The following NOS2 variants were observed in gnomAD, a reference collection of about 807,000 sequenced individuals.
The protein encoded by NOS2 is nitric oxide synthase 2.
A neutral mutation model predicts 136.0 loss-of-function variants in NOS2; 96 were observed. The ratio of observed to expected loss-of-function variants is 0.71; its 90% confidence interval spans 0.60 to 0.84. The LOEUF is 0.84. Ranked by LOEUF, NOS2 falls within the 40% of genes least tolerant of loss-of-function variation. NOS2 has a pLI of 0.00. For missense variants in NOS2, 1,237 were observed against 1,496.9 expected, an observed-to-expected ratio of 0.83 and a Z score of 2.87; for synonymous variants, 539 against 587.5, an observed-to-expected ratio of 0.92 and a Z score of 1.20.
rs1485270906 is a variant in NOS2, at chr17:27,774,336, G to A, written c.1397C>T (p.Pro466Leu). The A allele has an allele frequency of 6.3e-7, 1 of 1,585,958 alleles. No individual in the cohort carries two copies. The highest frequency in any genetic ancestry group is 8.6e-7 in the Non-Finnish European group (1 of 1,166,472). Reference sequence around the variant, plus strand: ...GGGGGTGATGCTCCCAGACATGGGAGGGACCAGCCAAATCCAGTCTGCCGG... The same window carrying A: ...GGGGGTGATGCTCCCAGACATGGGAAGGACCAGCCAAATCCAGTCTGCCGG... ...GCPADWIWLV[P>L]PMSGSITPVF... The change falls in exon 12 of 27, where the codon CCT becomes CTT. Residue 466 changes from proline to leucine, a missense_variant. Transcript: ENST00000313735.
intron 4 of NOS2, 86 bp from the exon 5 acceptor site, chr17:27,787,912 T>C (rs1909070099): frequency 4.2e-6 from 6 of 1,435,304 alleles, no homozygotes; most frequent in South Asian, 1.4e-5. Context: ...GCCACCTGGC[T>C]CCTCTCTGGC....
At chr17:27,771,940 C>T (rs527613244) in intron 14 of NOS2, among the ~76,000 whole-genome samples, 28 of 152,316 alleles carry the variant, frequency 1.8e-4, no homozygotes, top group African/African-American at 5.3e-4. Flanking sequence ...AGACCCTCTG[C>T]GGCCTTTTTT....
At chr17:27,757,504 A>G in intron 26 of NOS2, 151 bp from the exon 27 acceptor site, 1 of 658,358 alleles carries the variant, frequency 1.5e-6, no homozygotes, top group African/African-American at 1.8e-5. Flanking sequence ...TTAGACCCTA[A>G]CCCTGCTCAG....
Position 27,762,857 on chromosome 17 carries a change from C to T in NOS2, c.2741G>A (p.Arg914Gln), listed in dbSNP as rs200386224. 6.8e-5 allele frequency: 107 copies of T among 1,571,894 alleles called. No homozygotes were observed. Among genetic ancestry groups the T allele is most frequent in the Non-Finnish European group, 8.0e-5 (93 of 1,159,142 alleles). Residue 914 changes from arginine to glutamine, a missense_variant, in exon 22 of 27, where the codon CGG becomes CAG. Arg to Gln is a conservative substitution (Grantham distance 43, BLOSUM62 1). Transcript: ENST00000313735. ...KPRFYSISSS[R>Q]DHTPTEIHLT... ...GTGGATCTCTGTGGGCGTGTGATCCCGGGAGGAGCTGATGGAGTAGAACCT... is the reference window on the plus strand; with the variant it reads ...GTGGATCTCTGTGGGCGTGTGATCCTGGGAGGAGCTGATGGAGTAGAACCT...
intron 2 of NOS2, among the ~76,000 whole-genome samples, chr17:27,796,851 T>G (rs979303264): frequency 6.6e-6 from 1 of 152,124 alleles, no homozygotes; most frequent in Non-Finnish European, 1.5e-5. Context: ...CTAGAGGCCA[T>G]CAACTCTGTG....
chr17:27,760,145 C>T lies in NOS2; in HGVS notation c.3044G>A (p.Gly1015Glu). The stretch of plus-strand genomic sequence containing the variant: ...GTGGTCCTCATCTGGGCGGCGGCAC[C>T]CAAACACCAAGGTCATGCGGCCTCC... ...VRGGRMTLVF[G>E]CRRPDEDHIY... Residue 1015 changes from glycine (G) to glutamate (E), a missense_variant, in exon 25 of 27, where the codon GGG becomes GAG. Physicochemically the swap from Gly to Glu is moderately conservative, Grantham distance 98 (BLOSUM62 -2). This residue lies in a region of NOS2 where 782 missense variants were observed against 909.9 expected (regional missense o/e 0.86). Coordinates refer to ENST00000313735, the MANE Select transcript of NOS2 (RefSeq NM_000625.4). 6.2e-7 allele frequency: 1 copy of T among 1,601,610 alleles called. No homozygotes were observed. The highest frequency in any genetic ancestry group is 8.5e-7 in the Non-Finnish European group (1 of 1,174,532).
rs567942612 is a variant in NOS2 at position 27,775,290 on chromosome 17, T to A, written c.1282-839A>T. Among the ~76,000 whole-genome samples, 11 of 152,038 alleles carry A rather than the reference T, an allele frequency of 7.2e-5. No homozygotes were observed. The East Asian group carries it at 2.1e-3, about 29-fold the overall frequency. On this transcript the variant is annotated intron_variant, in intron 11 of 26. Coordinates refer to ENST00000313735, the MANE Select transcript of NOS2 (RefSeq NM_000625.4). ...GCCTAGGAAACATGGTGAGACCCTG[T>A]CTCTATAAAAATTTAAAAATTAGTA... is the stretch of plus-strand genomic sequence containing the variant.
intron 22 of NOS2, among the ~76,000 whole-genome samples, chr17:27,762,341 T>C (rs1375368984): frequency 1.3e-5 from 2 of 152,146 alleles, no homozygotes; most frequent in Non-Finnish European, 2.9e-5. Flanking sequence ...GAATGAATAA[T>C]CAATGCAGAA....
In NOS2 at chr17:27,782,049, G is replaced by C. The variant is rs1039051920; in HGVS notation, c.688C>G (p.His230Asp). 1 of 1,614,026 alleles carries C rather than the reference G, an allele frequency of 6.2e-7. No individual in the cohort carries two copies. The highest frequency in any genetic ancestry group is 8.5e-7 in the Non-Finnish European group (1 of 1,180,038). The change falls in exon 7 of 27, where the codon CAC becomes GAC. Residue 230 changes from histidine (H) to aspartate (D), a missense_variant. His to Asp is a moderately conservative substitution (Grantham distance 81). Transcript: ENST00000313735. ...CCATTGTTGGTGGAGTAACGCACGT[G>C]TCTGCAGATGTGTTCAAACATTTCC... The part of the protein sequence containing the change: ...AREMFEHICR[H>D]VRYSTNNGNI...
chr17:27,757,254 C>T lies in NOS2; in HGVS notation c.3454G>A (p.Ala1152Thr). 1 of 1,613,816 alleles carries T rather than the reference C, an allele frequency of 6.2e-7. No homozygotes were observed. Among genetic ancestry groups the T allele is most frequent in the Non-Finnish European group, 8.5e-7 (1 of 1,179,846 alleles). The stretch of plus-strand genomic sequence containing the variant: ...ACCCCTCCTGTAGGCCCTCAGAGCG[C>T]TGACATCTCCAGGCTGCTGGGCTGC... The part of the protein sequence containing the change: ...AVQPSSLEMS[A>T]L The change falls in exon 27 of 27, where the codon GCG (alanine) becomes ACG (threonine). Residue 1152 changes from alanine to threonine, a missense_variant. Ala to Thr is a moderately conservative substitution (Grantham distance 58). Around this residue, in one of 3 missense-constraint regions of NOS2, gnomAD observed 782 missense variants for 909.9 expected, o/e 0.86. Transcript: ENST00000313735.
intron 18 of NOS2, among the ~76,000 whole-genome samples, chr17:27,767,289 C>T (rs1168018706): frequency 6.6e-6 from 1 of 152,248 alleles, no homozygotes; most frequent in Non-Finnish European, 1.5e-5. Flanking sequence ...TTCTCTACGA[C>T]ACTTGGCTGC....
At position 27,778,682 on chromosome 17, in the gene NOS2, A is replaced by G; in HGVS notation, c.1281+8T>C. 1 of 1,611,016 alleles carries G rather than the reference A, an allele frequency of 6.2e-7. No homozygotes were observed. Among genetic ancestry groups the G allele is most frequent in the South Asian group, 1.1e-5 (1 of 91,020 alleles). On this transcript the variant is annotated splice_region_variant and intron_variant, in intron 11 of 26. Coordinates refer to ENST00000313735, the MANE Select transcript of NOS2 (RefSeq NM_000625.4). ...AAAGTCTTCAGACTCACAAAACTCC[A>G]GACATACCTGGAAACTATGGAGCAC...
In NOS2 at chr17:27,765,701, C is replaced by G. The variant is rs945858237; in HGVS notation, c.2262G>C (p.Leu754=). 6.2e-7 allele frequency: 1 copy of G among 1,606,678 alleles called. No homozygotes were observed. Among genetic ancestry groups the G allele is most frequent in the Non-Finnish European group, 8.5e-7 (1 of 1,176,874 alleles). The change falls in exon 20 of 27, where the codon CTG becomes CTC. Residue 754 remains leucine (L), a synonymous_variant. Coordinates refer to ENST00000313735, the MANE Select transcript of NOS2 (RefSeq NM_000625.4). ...GGCCATCCTCACAGGAGAGTTCCACCAGGATGGTGGCACGGCTGGGGAAGG... is the reference window on the plus strand; with the variant it reads ...GGCCATCCTCACAGGAGAGTTCCACGAGGATGGTGGCACGGCTGGGGAAGG... ...QSPTSSRATI[L]VELSCEDGQG... is the part of the protein sequence containing the mutation.
chr17:27,789,895 G>A (rs1909140312), intron 2 of NOS2, among the ~76,000 whole-genome samples: 1 of 152,168 alleles, frequency 6.6e-6, no homozygotes, highest in Non-Finnish European at 1.5e-5. Context: ...GAGCCAAAAG[G>A]GCATGAGCAG....
intron 20 of NOS2, among the ~76,000 whole-genome samples, 167 bp from the exon 21 acceptor site, chr17:27,764,311 G>A (rs1268342659): frequency 6.6e-6 from 1 of 152,068 alleles, no homozygotes; most frequent in Non-Finnish European, 1.5e-5. Flanking sequence ...GGCGCATGGA[G>A]AAAGGACTGC....
At position 27,763,021 on chromosome 17, in the gene NOS2, GAT is replaced by G. The variant is rs754300164; in HGVS notation, c.2593-18_2593-17del. 2 of 1,563,916 alleles carry G rather than the reference GAT, an allele frequency of 1.3e-6. No homozygotes were observed. Among genetic ancestry groups the G allele is most frequent in the East Asian group, 4.5e-5 (2 of 44,012 alleles). Reference sequence around the variant, plus strand: ...ACTCTGAGGGCTAAAAGCCAAGGGTGATGTCAGTGACTCAGGGCGCCTGTCCC... The same window carrying G: ...ACTCTGAGGGCTAAAAGCCAAGGGTGGTCAGTGACTCAGGGCGCCTGTCCC... On this transcript the variant is annotated splice_polypyrimidine_tract_variant and intron_variant, in intron 21 of 26. Transcript: ENST00000313735.
In NOS2 at chr17:27,789,402, C is replaced by T. The variant is rs1442748233; in HGVS notation, c.195+202G>A. Among the ~76,000 whole-genome samples the T allele has an allele frequency of 6.6e-6, 1 of 152,176 alleles. No individual in the cohort carries two copies. Among genetic ancestry groups the T allele is most frequent in the Non-Finnish European group, 1.5e-5 (1 of 68,038 alleles). On this transcript the variant is annotated intron_variant, in intron 3 of 26. Coordinates refer to ENST00000313735, the MANE Select transcript of NOS2 (RefSeq NM_000625.4). ...AGTGCACCTTGGGGGCCACCACTCC[C>T]GACCACTGGGGGTTGTCTCACTCTC... is the stretch of plus-strand genomic sequence containing the variant.
chr17:27,784,459 T>G (rs1249530266), intron 5 of NOS2, among the ~76,000 whole-genome samples: 1 of 152,180 alleles, frequency 6.6e-6, no homozygotes, highest in African/African-American at 2.4e-5. Flanking sequence ...AAACAAAGCT[T>G]CCAGCAATAT....
chr17:27,774,474 G>A, intron 11 of NOS2, 23 bp from the exon 12 acceptor site: 1 of 1,438,550 alleles, frequency 7.0e-7, no homozygotes. Flanking sequence ...GCAAGATAGG[G>A]AGTGGAGATA....
Sources: allele counts gnomAD v4.1 joint callset (sites outside exome capture counted in the v4.1 genomes callset), GRCh38; gene constraint gnomAD v4.1.1; regional missense constraint gnomAD v4.1.1; transcripts MANE v1.5; gene names NCBI Gene and HGNC (gene_info 2026-07-23, HGNC 2026-07-21).